The following TTLL5 variants were observed in gnomAD, a reference collection of about 807,000 sequenced individuals.
TTLL5 encodes the protein tubulin tyrosine ligase like 5.
TTLL5 carries 132 observed loss-of-function variants against 168.4 expected under a neutral mutation model. That is an observed-to-expected ratio of 0.78 (90% confidence interval 0.68 to 0.91). The LOEUF (loss-of-function observed/expected upper bound fraction) is 0.91, where lower values mean the gene tolerates loss of function less well. Among genes scored for constraint, TTLL5 ranks in the 40% least tolerant of loss-of-function variants. The probability of loss-of-function intolerance (pLI) is 0.00; values close to 1 mark genes in which losing one functional copy is unlikely to be tolerated. For synonymous variants in TTLL5, 546 were observed against 558.6 expected (o/e 0.98, Z 0.32); for missense variants, 1,545 against 1,581.5 (o/e 0.98, Z 0.39).
At chr14:75,911,578 G>A (rs1412196719) in intron 31 of TTLL5, among the ~76,000 whole-genome samples, 1 of 152,204 alleles carries the variant, frequency 6.6e-6, no homozygotes. Flanking sequence ...TGAAAAGTGA[G>A]AGTGAGGTAT....
chr14:75,759,529 G>A (rs1472040114), intron 18 of TTLL5, among the ~76,000 whole-genome samples: 2 of 152,024 alleles, frequency 1.3e-5, no homozygotes, highest in Admixed American at 6.5e-5. Flanking sequence ...TTCATCTTAC[G>A]ATGCCAGCAT....
In TTLL5 at chr14:75,936,145, G is replaced by GT. The variant is rs34131661; in HGVS notation, c.3824-18269dup. Among the ~76,000 whole-genome samples the GT allele has an allele frequency of 2.2e-3, 333 of 148,800 alleles. 7 individuals are homozygous for GT. In the South Asian group the frequency reaches 0.036, roughly 16 times the overall value. ...TCCCAGGTGCTGTAATTTTTACATAGTTTTTTTTTTCACTTAATCATCACA... is the reference window on the plus strand; with the variant it reads ...TCCCAGGTGCTGTAATTTTTACATAGTTTTTTTTTTTCACTTAATCATCACA... On this transcript the variant is annotated intron_variant, in intron 31 of 31. Coordinates refer to ENST00000298832, the MANE Select transcript of TTLL5 (RefSeq NM_015072.5).
intron 28 of TTLL5, among the ~76,000 whole-genome samples, chr14:75,840,818 A>G: frequency 6.6e-6 from 1 of 152,168 alleles, no homozygotes; most frequent in East Asian, 1.9e-4. Flanking sequence ...CTTCTGTGTT[A>G]ATTCATTCTT....
chr14:75,781,163 G>A (rs1449329192), intron 24 of TTLL5, among the ~76,000 whole-genome samples: 1 of 152,148 alleles, frequency 6.6e-6, no homozygotes, highest in Non-Finnish European at 1.5e-5. Flanking sequence ...TGGCAGTAAT[G>A]TGGAAGCCCT....
rs527622298 is a variant in TTLL5, at chr14:75,759,543, T to C, written c.1551-5072T>C. On this transcript the variant is annotated intron_variant, in intron 18 of 31. Transcript: ENST00000298832. ...GTTCATCTTACGATGCCAGCATGAC[T>C]ATGATTCCAAAACCTGACAAAGACA... Among the ~76,000 whole-genome samples, 13 of 152,246 alleles carry C rather than the reference T, an allele frequency of 8.5e-5. No homozygotes were observed. The South Asian group carries it at 2.3e-3, about 27-fold the overall frequency.
At chr14:75,808,317 C>T (rs533266681) in intron 27 of TTLL5, among the ~76,000 whole-genome samples, 5 of 152,300 alleles carry the variant, frequency 3.3e-5, no homozygotes, top group African/African-American at 1.2e-4. Flanking sequence ...CAGAGATTCC[C>T]TGCTTTTCCT....
intron 21 of TTLL5, among the ~76,000 whole-genome samples, chr14:75,773,696 C>A (rs1000442256): frequency 4.6e-5 from 7 of 151,428 alleles, no homozygotes; most frequent in African/African-American, 1.7e-4. Flanking sequence ...CGAAACCAGC[C>A]TGGCCAACAT....
rs34160638 is a variant in TTLL5, at chr14:75,773,907, CATATATAT to C, written c.2137-1563_2137-1556del. On this transcript the variant is annotated intron_variant, in intron 21 of 31. Coordinates refer to ENST00000298832, the MANE Select transcript of TTLL5 (RefSeq NM_015072.5). ...ACCGTCTCAAAAAAAAAAAAAAATACATATATATATATATATATATAGAGAGAGAGAGA... is the reference window on the plus strand; with the variant it reads ...ACCGTCTCAAAAAAAAAAAAAAATACATATATATATATAGAGAGAGAGAGA... 6.3e-4 allele frequency among the ~76,000 whole-genome samples: 18 copies of C among 28,798 alleles called. 1 individual carries two copies. The highest frequency in any genetic ancestry group is 1.5e-3 in the African/African-American group (14 of 9,586). 18.9% of individuals were successfully genotyped at this position (28,798 alleles called of 152,430 possible).
intron 28 of TTLL5, among the ~76,000 whole-genome samples, chr14:75,836,526 C>T (rs1895878084): frequency 1.3e-5 from 2 of 151,990 alleles, no homozygotes; most frequent in Non-Finnish European, 2.9e-5. Flanking sequence ...TTTAATTATA[C>T]ATTTTTAAGT....
At chr14:75,884,967 G>A (rs982942899) in intron 30 of TTLL5, among the ~76,000 whole-genome samples, 11 of 150,858 alleles carry the variant, frequency 7.3e-5, no homozygotes, top group African/African-American at 2.2e-4. Context: ...TCAGGAGATC[G>A]AGACCATCCT....
At chr14:75,869,013 A>AGTGT (rs3138589) in intron 29 of TTLL5, among the ~76,000 whole-genome samples, 13,153 of 124,228 alleles carry the variant, frequency 0.11, 713 homozygotes, top group Admixed American at 0.13. Flanking sequence ...AGAGGGGAGG[A>AGTGT]GTGTGTGTGT....
intron 29 of TTLL5, among the ~76,000 whole-genome samples, chr14:75,870,566 G>A (rs572002364): frequency 6.6e-6 from 1 of 152,230 alleles, no homozygotes; most frequent in South Asian, 2.1e-4. Flanking sequence ...CTAGAGGTTT[G>A]GATAGTAGGA....
rs570984319 is a variant in TTLL5, at chr14:75,948,268, T to C, written c.3824-6156T>C. On this transcript the variant is annotated intron_variant, in intron 31 of 31. Coordinates refer to ENST00000298832, the MANE Select transcript of TTLL5 (RefSeq NM_015072.5). ...GGGAGGCCAAGACGGGTGGATCACC[T>C]GAGGTCAGGAGTTCGAGACCAGCCT... is the stretch of plus-strand genomic sequence containing the variant. Among the ~76,000 whole-genome samples, 9 of 152,288 alleles carry C rather than the reference T, an allele frequency of 5.9e-5. No individual in the cohort carries two copies. In the South Asian group the frequency reaches 1.7e-3, roughly 28 times the overall value.
intron 30 of TTLL5, among the ~76,000 whole-genome samples, chr14:75,900,510 A>G (rs2032877255): frequency 6.6e-6 from 1 of 152,086 alleles, no homozygotes; most frequent in Admixed American, 6.5e-5. Context: ...TCACCTGGGC[A>G]CCTGGGGCAC....
At position 75,743,723 on chromosome 14, in the gene TTLL5, A is replaced by G. The variant is rs1166197226; in HGVS notation, c.1282-1372A>G. On this transcript the variant is annotated intron_variant, in intron 15 of 31. Coordinates refer to ENST00000298832, the MANE Select transcript of TTLL5 (RefSeq NM_015072.5). ...CAGCCTCCCGAGTAGCTGGGACTAC[A>G]GGTGCCCGCCACCACGCCCAGCTAA... is the stretch of plus-strand genomic sequence containing the variant. Among the ~76,000 whole-genome samples the G allele has an allele frequency of 2.6e-5, 4 of 151,780 alleles. No homozygotes were observed. The East Asian group carries it at 7.8e-4, about 29-fold the overall frequency.
intron 31 of TTLL5, among the ~76,000 whole-genome samples, chr14:75,948,481 A>T (rs2034848912): frequency 6.6e-6 from 1 of 151,912 alleles, no homozygotes; most frequent in South Asian, 2.1e-4. Context: ...GTGAAACCCT[A>T]TCTTAAAAAA....
intron 28 of TTLL5, among the ~76,000 whole-genome samples, chr14:75,822,007 A>T (rs930829735): frequency 6.6e-6 from 1 of 152,112 alleles, no homozygotes; most frequent in South Asian, 2.1e-4. Context: ...ACTGCCTGCA[A>T]CCTGAGCTTG....
At chr14:75,836,989 C>T (rs1895904290) in intron 28 of TTLL5, among the ~76,000 whole-genome samples, 1 of 152,190 alleles carries the variant, frequency 6.6e-6, no homozygotes, top group African/African-American at 2.4e-5. Flanking sequence ...AAACAAATTA[C>T]TGTAACATTT....
intron 27 of TTLL5, among the ~76,000 whole-genome samples, chr14:75,812,366 G>A (rs1185872760): frequency 6.6e-6 from 1 of 152,180 alleles, no homozygotes; most frequent in Non-Finnish European, 1.5e-5. Context: ...GCTAGAGGGA[G>A]GCAGGGGCAG....
Sources: gnomAD v4.1 joint callset for allele counts (sites outside exome capture counted in the v4.1 genomes callset) on GRCh38, gnomAD v4.1.1 for gene constraint, MANE v1.5 for transcripts, NCBI Gene and HGNC (gene_info 2026-07-23, HGNC 2026-07-21) for gene names.